FARS2: variants seen among roughly 807,000 people sequenced by gnomAD.
FARS2 encodes phenylalanine--tRNA ligase, mitochondrial.
FARS2 carries 40 observed loss-of-function variants against 46.4 expected under a neutral mutation model. The ratio of observed to expected loss-of-function variants is 0.86; its 90% CI spans 0.67 to 1.12. The LOEUF (loss-of-function observed/expected upper bound fraction) is 1.12, where lower values mean the gene tolerates loss of function less well. Among genes scored for constraint, FARS2 ranks in the 50% most tolerant of loss-of-function variants. The pLI, the probability that FARS2 is intolerant of heterozygous loss-of-function variation, is 0.00. For missense variants in FARS2, 513 were observed against 567.9 expected (o/e 0.90, Z 0.98); for synonymous variants, 234 against 214.9 (o/e 1.09, Z -0.78).
intron 1 of FARS2, among the ~76,000 whole-genome samples, chr6:5,339,674 A>G (rs1331367568): frequency 6.6e-6 from 1 of 152,166 alleles, no homozygotes; most frequent in Admixed American, 6.5e-5. Flanking sequence ...AGCTCAAGCA[A>G]TCCACCCACC....
At chr6:5,418,117 A>G (rs760592008) in intron 3 of FARS2, among the ~76,000 whole-genome samples, 2 of 152,176 alleles carry the variant, frequency 1.3e-5, no homozygotes, top group Non-Finnish European at 2.9e-5. Flanking sequence ...AGCTTTTTGA[A>G]CATAACGAAT....
intron 6 of FARS2, among the ~76,000 whole-genome samples, chr6:5,692,945 C>T (rs1280921592): frequency 6.6e-6 from 1 of 152,148 alleles, no homozygotes; most frequent in African/African-American, 2.4e-5. Context: ...CTTTTTTTCT[C>T]CCCACCAGAA....
intron 3 of FARS2, among the ~76,000 whole-genome samples, chr6:5,430,192 A>G (rs1348739383): frequency 6.6e-6 from 1 of 152,010 alleles, no homozygotes; most frequent in African/African-American, 2.4e-5. Flanking sequence ...GGAAAGGGAC[A>G]CAGGGACAGG....
At chr6:5,392,980 C>G (rs1466789184) in intron 2 of FARS2, among the ~76,000 whole-genome samples, 2 of 140,480 alleles carry the variant, frequency 1.4e-5, no homozygotes, top group African/African-American at 5.2e-5. Flanking sequence ...TTTTAAATAT[C>G]TGAAAATATT....
Position 5,369,084 on chromosome 6 carries a change from C to G in FARS2, c.514C>G (p.Leu172Val). Residue 172 changes from leucine to valine, a missense_variant, in exon 2 of 7, where the codon CTG (leucine) becomes GTG (valine). Transcript: ENST00000274680. ...DLLHAGLDAF[L>V]VVGDVYRRDQ... ...GCTGCACGCGGGACTGGATGCCTTC[C>G]TGGTGGTGGGTGATGTCTACAGGCG... 1 of 1,613,958 alleles carries G rather than the reference C, an allele frequency of 6.2e-7. No homozygotes were observed. Among genetic ancestry groups the G allele is most frequent in the African/African-American group, 1.3e-5 (1 of 75,014 alleles).
intron 5 of FARS2, among the ~76,000 whole-genome samples, chr6:5,555,831 C>T (rs1308338818): frequency 6.6e-6 from 1 of 151,906 alleles, no homozygotes; most frequent in African/African-American, 2.4e-5. Context: ...GAAAGATGAC[C>T]AATCATAGAA....
chr6:5,260,798 A>C (rs1765043370), upstream of FARS2: 1 of 1,533,660 alleles, frequency 6.5e-7, no homozygotes, highest in Non-Finnish European at 8.7e-7. Context: ...CCAACCCACG[A>C]AACTCCAGCC....
chr6:5,607,677 G>C (rs1212194176), intron 5 of FARS2, among the ~76,000 whole-genome samples: 1 of 152,048 alleles, frequency 6.6e-6, no homozygotes, highest in African/African-American at 2.4e-5. Context: ...TGAAACTGAG[G>C]TCATGCCCCC....
chr6:5,584,374 C>T (rs1297665571), intron 5 of FARS2, among the ~76,000 whole-genome samples: 2 of 152,116 alleles, frequency 1.3e-5, no homozygotes, highest in Non-Finnish European at 2.9e-5. Flanking sequence ...ACCCCAGCAC[C>T]CCACCATCAG....
chr6:5,746,778 T>A (rs1761671641), intron 6 of FARS2, among the ~76,000 whole-genome samples: 1 of 152,184 alleles, frequency 6.6e-6, no homozygotes, highest in South Asian at 2.1e-4. Context: ...TATCTGCTAG[T>A]ATTTATTAAA....
intron 4 of FARS2, among the ~76,000 whole-genome samples, chr6:5,539,341 G>A (rs866426687): frequency 3.8e-4 from 50 of 132,710 alleles, no homozygotes; most frequent in African/African-American, 1.4e-3. Flanking sequence ...CAAGTAGCTG[G>A]GACTACAGGT....
chr6:5,282,283 G>A (rs11757924), intron 1 of FARS2, among the ~76,000 whole-genome samples: 38,291 of 152,040 alleles, frequency 0.25, 5,743 homozygotes, highest in African/African-American at 0.42. Flanking sequence ...TATCATTGCC[G>A]TGGCTGCTTA....
Position 5,771,308 on chromosome 6 carries a change from A to G in FARS2, c.1235A>G (p.His412Arg). ...CTCTGTAGGACGCACAAGACCAGCC[A>G]CTGCTACCGCATCACGTACCGCCAC... is the stretch of plus-strand genomic sequence containing the variant. ...FVHPKTHKTS[H>R]CYRITYRHME... Residue 412 changes from histidine to arginine, a missense_variant, in exon 7 of 7, where the codon CAC becomes CGC. By Grantham distance (29) the His-to-Arg change is conservative. Coordinates refer to ENST00000274680, the MANE Select transcript of FARS2 (RefSeq NM_006567.5). 1 of 1,614,152 alleles carries G rather than the reference A, an allele frequency of 6.2e-7. No homozygotes were observed. The highest frequency in any genetic ancestry group is 2.2e-5 in the East Asian group (1 of 44,880).
At chr6:5,669,619 A>G (rs1472701945) in intron 6 of FARS2, among the ~76,000 whole-genome samples, 1 of 152,026 alleles carries the variant, frequency 6.6e-6, no homozygotes, top group African/African-American at 2.4e-5. Context: ...ATCATATTGC[A>G]GTGTATTAGG....
chr6:5,440,711 G>T (rs561272690), intron 4 of FARS2, among the ~76,000 whole-genome samples: 13 of 152,256 alleles, frequency 8.5e-5, no homozygotes, highest in Admixed American at 3.3e-4. Context: ...GAAGTGGAGG[G>T]GGGGTGTCTC....
At chr6:5,622,393 C>T (rs1211276787) in intron 6 of FARS2, among the ~76,000 whole-genome samples, 4 of 152,212 alleles carry the variant, frequency 2.6e-5, no homozygotes, top group Non-Finnish European at 5.9e-5. Context: ...ATGATGGAAA[C>T]TCCTTAGAGG....
intron 5 of FARS2, among the ~76,000 whole-genome samples, chr6:5,602,179 T>A (rs1432290004): frequency 6.6e-6 from 1 of 152,058 alleles, no homozygotes; most frequent in East Asian, 1.9e-4. Context: ...GGAGAAGAGT[T>A]TTAAGGTAAG....
At position 5,574,047 on chromosome 6, in the gene FARS2, C is replaced by T. The variant is rs368616235; in HGVS notation, c.1065+28707C>T. ...AAACTTTTTCCAAGGAACACTTCAA[C>T]GGCAGCATTTGTATTTAAGTAGTGA... On this transcript the variant is annotated intron_variant, in intron 5 of 6. Coordinates refer to ENST00000274680, the MANE Select transcript of FARS2 (RefSeq NM_006567.5). 2.2e-4 allele frequency among the ~76,000 whole-genome samples: 33 copies of T among 152,328 alleles called. No individual in the cohort carries two copies. The South Asian group carries it at 3.1e-3, about 14-fold the overall frequency.
Position 5,640,895 on chromosome 6 carries a change from G to A in FARS2, c.1217+27575G>A, listed in dbSNP as rs922744526. 1.3e-5 allele frequency among the ~76,000 whole-genome samples: 2 copies of A among 152,130 alleles called. 1 individual carries two copies. The highest frequency in any genetic ancestry group is 4.1e-4 in the South Asian group (2 of 4,828). ...GGGTCAAATGGAATTCATATCCAAG[G>A]TTACTTGTGTCTGAGTCTTCTAAGA... On this transcript the variant is annotated intron_variant, in intron 6 of 6. Transcript: ENST00000274680.
Sources: allele counts gnomAD v4.1 joint callset (sites outside exome capture counted in the v4.1 genomes callset), GRCh38; gene constraint gnomAD v4.1.1; transcripts MANE v1.5; gene names NCBI Gene and HGNC (gene_info 2026-07-23, HGNC 2026-07-21).